Variants in SNX29 observed in about 807,000 individuals in gnomAD.
SNX29 encodes the protein sorting nexin 29, also known as sorting nexin-29.
In SNX29, 78 loss-of-function variants were observed where a neutral mutation model predicts 102.1. The observed-to-expected ratio is 0.76, with a 90% CI of 0.64 to 0.92. The LOEUF is 0.92. Ranked by LOEUF, SNX29 falls within the 40% of genes least tolerant of loss-of-function variation. The pLI, the probability that SNX29 is intolerant of heterozygous loss-of-function variation, is 0.00. For synonymous variants in SNX29, 580 were observed against 414.5 expected (o/e 1.40, Z -4.85); for missense variants, 1,280 against 1,061.7 (o/e 1.21, Z -2.86).
intron 15 of SNX29, among the ~76,000 whole-genome samples, chr16:12,346,840 G>C (rs1028851678): frequency 2.0e-5 from 3 of 152,124 alleles, no homozygotes; most frequent in Admixed American, 2.0e-4. Context: ...CTCCAGGGGG[G>C]TAGCAGCTGC....
At chr16:12,383,999 C>A (rs908358839) in intron 16 of SNX29, among the ~76,000 whole-genome samples, 1 of 152,126 alleles carries the variant, frequency 6.6e-6, no homozygotes, top group Non-Finnish European at 1.5e-5. Flanking sequence ...TGTTGTATTT[C>A]ACTTAACATA....
intron 15 of SNX29, among the ~76,000 whole-genome samples, chr16:12,284,005 G>A (rs1201584974): frequency 3.3e-5 from 5 of 152,232 alleles, no homozygotes; most frequent in African/African-American, 1.2e-4. Flanking sequence ...TTGAAGATAA[G>A]ATATTGGACA....
At chr16:12,445,704 C>G (rs2151691650) in intron 18 of SNX29, among the ~76,000 whole-genome samples, 1 of 152,316 alleles carries the variant, frequency 6.6e-6, no homozygotes, top group Non-Finnish European at 1.5e-5. Context: ...CATCAGCTTC[C>G]TCTCCAACCT....
chr16:12,129,785 TAAGC>T (rs2054376375), intron 13 of SNX29, 27 bp downstream of exon 13: 1 of 1,579,846 alleles, frequency 6.3e-7, no homozygotes, highest in African/African-American at 1.3e-5. Flanking sequence ...GATGGAGAGG[TAAGC>T]ACGTGGGGGC....
intron 19 of SNX29, among the ~76,000 whole-genome samples, chr16:12,522,629 C>G (rs746112210): frequency 6.6e-6 from 1 of 152,108 alleles, no homozygotes; most frequent in Non-Finnish European, 1.5e-5. Context: ...TGGCACCTCC[C>G]GCTTCACTGT....
At chr16:12,515,731 G>T in intron 19 of SNX29, 1 of 421,226 alleles carries the variant, frequency 2.4e-6, no homozygotes, top group Non-Finnish European at 4.8e-6. Flanking sequence ...CCGGAGGGCA[G>T]GGGTCACATC....
At chr16:12,280,754 C>T (rs900329572) in intron 15 of SNX29, among the ~76,000 whole-genome samples, 2 of 152,126 alleles carry the variant, frequency 1.3e-5, no homozygotes, top group African/African-American at 4.8e-5. Flanking sequence ...ACCCTCAGAA[C>T]GTTCTTTGTG....
chr16:11,988,639 A>G (rs2055725702), intron 1 of SNX29, among the ~76,000 whole-genome samples: 2 of 151,900 alleles, frequency 1.3e-5, no homozygotes, highest in Non-Finnish European at 2.9e-5. Flanking sequence ...GGCTCAAGCA[A>G]TTCCCTTGTC....
chr16:12,573,477 G>A lies in SNX29; in HGVS notation c.*4848G>A, dbSNP rs11640862. 170 of 224,064 alleles carry A rather than the reference G, an allele frequency of 7.6e-4. 2 individuals are homozygous for A. Among genetic ancestry groups the A allele is most frequent in the African/African-American group, 2.9e-3 (130 of 44,962 alleles). The allele number at this position is 224,064 out of a possible 1,614,324, so 13.9% of individuals were successfully genotyped here. On this transcript the variant is annotated 3_prime_UTR_variant, in exon 21 of 21. Coordinates refer to ENST00000566228, the MANE Select transcript of SNX29 (RefSeq NM_032167.5). Reference sequence around the variant, plus strand: ...GACATTAAGGAGCAGCGCTGCTGGCGGAAGATTCTAGATTCACTGGTGGTT... The same window carrying A: ...GACATTAAGGAGCAGCGCTGCTGGCAGAAGATTCTAGATTCACTGGTGGTT...
At chr16:12,112,958 G>A (rs187271319) in intron 11 of SNX29, among the ~76,000 whole-genome samples, 19 of 152,290 alleles carry the variant, frequency 1.2e-4, no homozygotes, top group Admixed American at 1.1e-3. Context: ...AGGCCTGATG[G>A]AAACCACGCT....
At chr16:11,995,635 C>CA (rs1470880222) in intron 1 of SNX29, among the ~76,000 whole-genome samples, 3 of 131,934 alleles carry the variant, frequency 2.3e-5, no homozygotes, top group Non-Finnish European at 4.8e-5. Flanking sequence ...ATCAGTAGAG[C>CA]AAAATACTCT....
chr16:12,225,319 C>T (rs994823752), intron 14 of SNX29, among the ~76,000 whole-genome samples: 17 of 152,080 alleles, frequency 1.1e-4, no homozygotes, highest in Non-Finnish European at 2.2e-4. Context: ...CAAATCTCAT[C>T]TTGGATTGTA....
At chr16:12,409,348 A>T (rs1433075060) in intron 18 of SNX29, among the ~76,000 whole-genome samples, 2 of 150,714 alleles carry the variant, frequency 1.3e-5, no homozygotes, top group Non-Finnish European at 3.0e-5. Context: ...ATTAATTTCT[A>T]GTTTATACCT....
chr16:12,425,542 AAATAAAAAAAAT>A (rs1446104435), intron 18 of SNX29, among the ~76,000 whole-genome samples: 3 of 61,188 alleles, frequency 4.9e-5, no homozygotes, highest in East Asian at 4.9e-4. Flanking sequence ...AAAAAAAAAA[AAATAAAAAAAAT>A]AAAAAGAGGG....
intron 20 of SNX29, among the ~76,000 whole-genome samples, chr16:12,547,471 T>C (rs56338753): frequency 0.26 from 39,505 of 152,024 alleles, 5,926 homozygotes; most frequent in East Asian, 0.53. Flanking sequence ...GGAAGGGGTA[T>C]TCTCAAAGTA....
chr16:12,558,002 C>G (rs994816250), intron 20 of SNX29, among the ~76,000 whole-genome samples: 3 of 152,130 alleles, frequency 2.0e-5, no homozygotes, highest in African/African-American at 7.2e-5. Flanking sequence ...GTTGGTTGGG[C>G]TGGGTGCTGC....
Position 12,426,291 on chromosome 16 carries a change from A to T in SNX29, c.2037+22762A>T, listed in dbSNP as rs1283139195. On this transcript the variant is annotated intron_variant, in intron 18 of 20. Transcript: ENST00000566228. ...TCACGCTGTCTCTATGCCAGGATCC[A>T]GGAAGAAGCAACAGCCTTTAGCCGG... Among the ~76,000 whole-genome samples the T allele has an allele frequency of 3.3e-5, 5 of 152,186 alleles. No individual in the cohort carries two copies. The East Asian group carries it at 9.6e-4, about 29-fold the overall frequency.
intron 1 of SNX29, among the ~76,000 whole-genome samples, chr16:11,998,473 G>A (rs532798481): frequency 2.0e-5 from 3 of 152,220 alleles, no homozygotes; most frequent in African/African-American, 7.2e-5. Flanking sequence ...GGACAAATAG[G>A]GTTATTTATT....
chr16:12,354,802 G>A (rs1316164286), intron 15 of SNX29, among the ~76,000 whole-genome samples: 1 of 152,166 alleles, frequency 6.6e-6, no homozygotes, highest in Admixed American at 6.5e-5. Context: ...TATCCAAAAG[G>A]AATAAGGTAA....
Sources: gnomAD v4.1 joint callset for allele counts (sites outside exome capture counted in the v4.1 genomes callset) on GRCh38, gnomAD v4.1.1 for gene constraint, MANE v1.5 for transcripts, NCBI Gene and HGNC (gene_info 2026-07-23, HGNC 2026-07-21) for gene names.